The following ZC3H4 variants were observed in gnomAD, a reference collection of about 807,000 sequenced individuals.
ZC3H4 encodes zinc finger CCCH domain-containing protein 4.
In ZC3H4, 13 loss-of-function variants were observed where a neutral mutation model predicts 108.3. That is an observed-to-expected ratio of 0.12 (90% CI 0.08 to 0.19). ZC3H4 has a LOEUF of 0.19. Among genes scored for constraint, ZC3H4 ranks in the 10% least tolerant of loss-of-function variants. ZC3H4 has a pLI of 1.00. For synonymous variants in ZC3H4, 917 were observed against 749.6 expected (o/e 1.22, Z -3.65); for missense variants, 1,734 against 1,838.8 (o/e 0.94, Z 1.04).
At chr19:47,101,558 C>G (rs1422042230) in intron 2 of ZC3H4, among the ~76,000 whole-genome samples, 1 of 151,754 alleles carries the variant, frequency 6.6e-6, no homozygotes, top group Admixed American at 6.6e-5. Flanking sequence ...AATTTTTTTT[C>G]CATAATAAAA....
In ZC3H4 at chr19:47,066,564, G is replaced by A. The variant is rs750545386; in HGVS notation, c.3704C>T (p.Thr1235Ile). Reference sequence around the variant, plus strand: ...GGGTGGGGCACCCTCGGGGGGTGGGGTGGCGGTGGTGGCAGCGGGGGCTGC... The same window carrying A: ...GGGTGGGGCACCCTCGGGGGGTGGGATGGCGGTGGTGGCAGCGGGGGCTGC... ...AAAAPAATTA[T>I]PPPEGAPPQP... is the part of the protein sequence containing the mutation. The change falls in exon 15 of 15, where the codon ACC (threonine) becomes ATC (isoleucine). Residue 1235 changes from threonine to isoleucine, a missense_variant. Coordinates refer to ENST00000253048, the MANE Select transcript of ZC3H4 (RefSeq NM_015168.2). The A allele has an allele frequency of 1.3e-6, 2 of 1,580,082 alleles. No homozygotes were observed. Among genetic ancestry groups the A allele is most frequent in the Admixed American group, 1.7e-5 (1 of 57,970 alleles).
intron 2 of ZC3H4, among the ~76,000 whole-genome samples, chr19:47,106,233 T>C (rs144471707): frequency 1.3e-4 from 20 of 152,208 alleles, no homozygotes; most frequent in Admixed American, 2.6e-4. Context: ...CCCCCAACCA[T>C]AGCTGTCCAC....
chr19:47,113,019 G>C (rs557741840), intron 1 of ZC3H4, among the ~76,000 whole-genome samples: 20 of 152,358 alleles, frequency 1.3e-4, no homozygotes, highest in Admixed American at 3.9e-4. Flanking sequence ...GGGAGAGAGG[G>C]AACGGGCCGC....
intron 2 of ZC3H4, among the ~76,000 whole-genome samples, chr19:47,106,104 T>C (rs939592477): frequency 5.3e-5 from 8 of 152,224 alleles, no homozygotes; most frequent in African/African-American, 9.6e-5. Flanking sequence ...AGAAGGGCTC[T>C]GGCAGATAAT....
In ZC3H4 at chr19:47,074,288, C is replaced by T. The variant is rs117381688; in HGVS notation, c.1441-1575G>A. Reference sequence around the variant, plus strand: ...TCTGCCAACACTGCCTATGCCTTGTCGGATTATTCAGTCATTCCCATGTTC... The same window carrying T: ...TCTGCCAACACTGCCTATGCCTTGTTGGATTATTCAGTCATTCCCATGTTC... On this transcript the variant is annotated intron_variant, in intron 11 of 14. Transcript: ENST00000253048. Among the ~76,000 whole-genome samples the T allele has an allele frequency of 2.8e-4, 43 of 152,332 alleles. No homozygotes were observed. The East Asian group carries it at 5.8e-3, about 21-fold the overall frequency.
At position 47,104,707 on chromosome 19, in the gene ZC3H4, C is replaced by T. The variant is rs550276669; in HGVS notation, c.161+7717G>A. On this transcript the variant is annotated intron_variant, in intron 2 of 14. Transcript: ENST00000253048. ...CAGGCCCTGCCTCGGATGCAGCCCA[C>T]CCGTGTGGCCCACAAGCTTCAGTTA... Among the ~76,000 whole-genome samples the T allele has an allele frequency of 1.3e-4, 20 of 152,370 alleles. No homozygotes were observed. The East Asian group carries it at 1.5e-3, about 12-fold the overall frequency.
chr19:47,091,032 C>T (rs890398652), intron 4 of ZC3H4, among the ~76,000 whole-genome samples: 1 of 151,886 alleles, frequency 6.6e-6, no homozygotes, highest in Non-Finnish European at 1.5e-5. Flanking sequence ...TTTGGGAGGC[C>T]GAGGCGGGCA....
intron 2 of ZC3H4, among the ~76,000 whole-genome samples, chr19:47,095,417 A>AG (rs1204689685): frequency 6.6e-6 from 1 of 152,192 alleles, no homozygotes; most frequent in African/African-American, 2.4e-5. Flanking sequence ...CAGCTGGAGG[A>AG]GGGGGGACGG....
At chr19:47,095,094 C>T (rs2057800293) in intron 2 of ZC3H4, among the ~76,000 whole-genome samples, 1 of 152,226 alleles carries the variant, frequency 6.6e-6, no homozygotes, top group African/African-American at 2.4e-5. Context: ...CACAGACCCA[C>T]ATCCCCTCCC....
intron 2 of ZC3H4, chr19:47,097,056 T>C (rs991620530): frequency 2.2e-6 from 2 of 918,300 alleles, no homozygotes; most frequent in Non-Finnish European, 2.6e-6. Context: ...AAAAGACCAT[T>C]CAAGGAACTC....
intron 2 of ZC3H4, among the ~76,000 whole-genome samples, chr19:47,111,808 T>C (rs2058042963): frequency 6.6e-6 from 1 of 151,312 alleles, no homozygotes; most frequent in Non-Finnish European, 1.5e-5. Flanking sequence ...AGAAGGGACC[T>C]GAATGAACCC....
intron 13 of ZC3H4, among the ~76,000 whole-genome samples, chr19:47,069,907 G>T (rs975941413): frequency 6.6e-6 from 1 of 152,156 alleles, no homozygotes; most frequent in Admixed American, 6.5e-5. Context: ...ACAGCATTAG[G>T]GGGTGTCTCA....
chr19:47,092,939 G>A (rs990401866), intron 4 of ZC3H4, among the ~76,000 whole-genome samples: 5 of 152,102 alleles, frequency 3.3e-5, no homozygotes, highest in African/African-American at 7.2e-5. Flanking sequence ...ATTTGCGGCC[G>A]GGCGCGGTGG....
intron 11 of ZC3H4, among the ~76,000 whole-genome samples, chr19:47,074,089 C>G (rs1429953655): frequency 6.6e-6 from 1 of 152,182 alleles, no homozygotes; most frequent in African/African-American, 2.4e-5. Flanking sequence ...CGTTTCAGTG[C>G]AATGAGCAGC....
Position 47,071,898 on chromosome 19 carries a change from G to A in ZC3H4, c.2026C>T (p.Pro676Ser), listed in dbSNP as rs1169221141. ...PGGPPMMPYG[P>S]GDSPHSGMMP... is the part of the protein sequence containing the mutation. ...ATTCCAGAATGTGGGGAGTCTCCAG[G>A]GCCGTAGGGCATCATTGGAGGGCCG... Residue 676 changes from proline to serine, a missense_variant, in exon 13 of 15, where the codon CCT (proline) becomes TCT (serine). By Grantham distance (74) the Pro-to-Ser change is moderately conservative (BLOSUM62 -1). Coordinates refer to ENST00000253048, the MANE Select transcript of ZC3H4 (RefSeq NM_015168.2). The A allele has an allele frequency of 1.2e-6, 2 of 1,612,490 alleles. No homozygotes were observed. Among genetic ancestry groups the A allele is most frequent in the Admixed American group, 1.7e-5 (1 of 59,750 alleles).
At chr19:47,104,345 A>G (rs918255338) in intron 2 of ZC3H4, among the ~76,000 whole-genome samples, 1 of 152,176 alleles carries the variant, frequency 6.6e-6, no homozygotes, top group Non-Finnish European at 1.5e-5. Flanking sequence ...AATTTCTTAA[A>G]AAGAACTGAT....
At chr19:47,074,484 A>G (rs957273088) in intron 11 of ZC3H4, among the ~76,000 whole-genome samples, 2 of 152,208 alleles carry the variant, frequency 1.3e-5, no homozygotes, top group Admixed American at 6.5e-5. Flanking sequence ...AGCGTGCAGA[A>G]AAGTGACACA....
At chr19:47,097,123 A>C (rs1317076525) in intron 2 of ZC3H4, among the ~76,000 whole-genome samples, 5 of 152,220 alleles carry the variant, frequency 3.3e-5, no homozygotes, top group Non-Finnish European at 7.3e-5. Flanking sequence ...AAGGTAGAGA[A>C]GTGCAGCATT....
At position 47,072,381 on chromosome 19, in the gene ZC3H4, C is replaced by T. The variant is rs778802046; in HGVS notation, c.1773G>A (p.Thr591=). 38 of 1,613,160 alleles carry T rather than the reference C, an allele frequency of 2.4e-5. No individual in the cohort carries two copies. Among genetic ancestry groups the T allele is most frequent in the African/African-American group, 2.3e-4 (17 of 74,878 alleles). ...CACCCAGCTTCTCAGCCAGCTGTCC[C>T]GTGGGCCGCACCACGATCTCAAACA... ...PSLFEIVVRP[T]GQLAEKLGVR... is the part of the protein sequence containing the mutation. Residue 591 remains threonine (T), a synonymous_variant, in exon 12 of 15, where the codon ACG becomes ACA. Coordinates refer to ENST00000253048, the MANE Select transcript of ZC3H4 (RefSeq NM_015168.2). The surrounding 1 kb of genome is among the most constrained non-coding windows in gnomAD (Gnocchi z 5.6).
Sources: gnomAD v4.1 joint callset for allele counts (sites outside exome capture counted in the v4.1 genomes callset) on GRCh38, gnomAD v4.1.1 for gene constraint, Gnocchi (gnomAD v3.1) non-coding constraint, MANE v1.5 for transcripts, NCBI Gene and HGNC (gene_info 2026-07-23, HGNC 2026-07-21) for gene names.